The following LUZP1 variants were observed in gnomAD, a reference collection of about 807,000 sequenced individuals.
LUZP1 encodes filamin mechanobinding actin cross-linking protein.
LUZP1 carries 25 observed loss-of-function variants against 71.3 expected under a neutral mutation model. The observed-to-expected ratio is 0.35, with a 90% confidence interval of 0.26 to 0.49. The LOEUF is 0.49. LUZP1 is among the 20% of genes least tolerant of loss of function. The pLI is 0.99. For synonymous variants in LUZP1, 481 were observed against 506.4 expected (o/e 0.95, Z 0.67); for missense variants, 1,142 against 1,300.8 (o/e 0.88, Z 1.88).
chr1:23,136,823 C>T (rs377608349), intron 2 of LUZP1, among the ~76,000 whole-genome samples: 21 of 152,262 alleles, frequency 1.4e-4, no homozygotes, highest in South Asian at 4.2e-4. Context: ...GAGGCTGAGA[C>T]GGGAGAATGG....
chr1:23,120,118 A>T (rs7534311), intron 2 of LUZP1, among the ~76,000 whole-genome samples: 49,452 of 151,746 alleles, frequency 0.33, 8,455 homozygotes, highest in East Asian at 0.45. Context: ...AAGTTTTGTA[A>T]GTTTTGTAGA....
At chr1:23,152,705 AT>A (rs1297659279) in intron 2 of LUZP1, among the ~76,000 whole-genome samples, 1 of 151,806 alleles carries the variant, frequency 6.6e-6, no homozygotes, top group Non-Finnish European at 1.5e-5. Flanking sequence ...TACTTTTTGT[AT>A]TTTTAGTAGA....
At chr1:23,122,205 C>A (rs1303737113) in intron 2 of LUZP1, among the ~76,000 whole-genome samples, 1 of 152,058 alleles carries the variant, frequency 6.6e-6, no homozygotes, top group African/African-American at 2.4e-5. Flanking sequence ...TGAATGATAA[C>A]TGAGAGCTTA....
intron 2 of LUZP1, among the ~76,000 whole-genome samples, chr1:23,118,602 A>G (rs1049088860): frequency 3.3e-5 from 5 of 152,204 alleles, no homozygotes; most frequent in African/African-American, 1.2e-4. Context: ...TTTGTACACA[A>G]TAAAACATGG....
intron 2 of LUZP1, among the ~76,000 whole-genome samples, chr1:23,114,481 AC>A (rs1439242904): frequency 6.6e-6 from 1 of 152,172 alleles, no homozygotes; most frequent in African/African-American, 2.4e-5. Flanking sequence ...GTATGAACCA[AC>A]CTAGGTGGTT....
chr1:23,160,893 G>C (rs934763742), intron 2 of LUZP1, among the ~76,000 whole-genome samples: 2 of 152,166 alleles, frequency 1.3e-5, no homozygotes, highest in Non-Finnish European at 2.9e-5. Flanking sequence ...TAAGATATGT[G>C]ATAGTGTGAT....
intron 3 of LUZP1, among the ~76,000 whole-genome samples, chr1:23,098,360 A>G (rs1643904898): frequency 6.6e-6 from 1 of 152,248 alleles, no homozygotes; most frequent in African/African-American, 2.4e-5. Context: ...GAAATATAGA[A>G]GAAAGAAATC....
chr1:23,085,682 G>A (rs977214753), exon 5 of LUZP1: 5 of 152,340 alleles, frequency 3.3e-5, no homozygotes, highest in Admixed American at 3.3e-4. Flanking sequence ...ACTGACGGGG[G>A]TTATTTATGT....
intron 3 of LUZP1, among the ~76,000 whole-genome samples, chr1:23,099,482 C>CT (rs1049220844): frequency 6.6e-6 from 1 of 151,588 alleles, no homozygotes; most frequent in Non-Finnish European, 1.5e-5. Flanking sequence ...TAAAGAAAAC[C>CT]CAGCTTATCC....
At chr1:23,163,331 G>A (rs1378643461) in intron 2 of LUZP1, among the ~76,000 whole-genome samples, 1 of 149,432 alleles carries the variant, frequency 6.7e-6, no homozygotes, top group African/African-American at 2.5e-5. Context: ...AGAATCGCTT[G>A]AGCCCAGGAG....
At chr1:23,123,712 G>A (rs1644148604) in intron 2 of LUZP1, among the ~76,000 whole-genome samples, 1 of 152,058 alleles carries the variant, frequency 6.6e-6, no homozygotes, top group African/African-American at 2.4e-5. Flanking sequence ...CCTGCTCTCA[G>A]GCCCTGAGGT....
At chr1:23,114,563 G>A (rs1644062644) in intron 2 of LUZP1, among the ~76,000 whole-genome samples, 1 of 152,190 alleles carries the variant, frequency 6.6e-6, no homozygotes, top group African/African-American at 2.4e-5. Context: ...TCATGTTGGA[G>A]TTCAGAACAC....
intron 2 of LUZP1, among the ~76,000 whole-genome samples, chr1:23,158,963 T>A (rs1644443344): frequency 6.7e-6 from 1 of 149,446 alleles, no homozygotes; most frequent in African/African-American, 2.5e-5. Flanking sequence ...AGAGATGGGT[T>A]GGGGGTAAGA....
At chr1:23,155,741 G>A (rs368000954) in intron 2 of LUZP1, among the ~76,000 whole-genome samples, 10 of 152,070 alleles carry the variant, frequency 6.6e-5, no homozygotes, top group East Asian at 1.9e-4. Context: ...ACTTGAACCC[G>A]AGAGCCAAGA....
At chr1:23,113,561 T>C (rs994895015) in intron 2 of LUZP1, among the ~76,000 whole-genome samples, 1 of 151,344 alleles carries the variant, frequency 6.6e-6, no homozygotes, top group African/African-American at 2.4e-5. Flanking sequence ...ACAGAGCTAT[T>C]ATAACTAAGA....
At chr1:23,095,062 C>G (rs1643885413) in intron 3 of LUZP1, among the ~76,000 whole-genome samples, 1 of 152,172 alleles carries the variant, frequency 6.6e-6, no homozygotes, top group Non-Finnish European at 1.5e-5. Context: ...TCCTTTTGCA[C>G]TGTAAAAGAA....
At chr1:23,144,204 A>G (rs573282793) in intron 2 of LUZP1, among the ~76,000 whole-genome samples, 54 of 152,194 alleles carry the variant, frequency 3.5e-4, no homozygotes, top group Non-Finnish European at 5.9e-4. Flanking sequence ...TCCAAAGGAT[A>G]TGGAAGAGTC....
intron 2 of LUZP1, among the ~76,000 whole-genome samples, chr1:23,128,679 T>C (rs1432343480): frequency 3.3e-5 from 5 of 152,366 alleles, no homozygotes; most frequent in Middle Eastern, 3.4e-3. Context: ...ATGTCTCCAA[T>C]TGGCACTATT....
chr1:23,143,116 C>T (rs1644318080), intron 2 of LUZP1, among the ~76,000 whole-genome samples: 1 of 151,984 alleles, frequency 6.6e-6, no homozygotes, highest in Non-Finnish European at 1.5e-5. Context: ...TCGAGCAATT[C>T]CCCTGCCTCA....
Sources: gnomAD v4.1 joint callset for allele counts (sites outside exome capture counted in the v4.1 genomes callset) on GRCh38, gnomAD v4.1.1 for gene constraint, MANE v1.5 for transcripts, NCBI Gene and HGNC (gene_info 2026-07-23, HGNC 2026-07-21) for gene names.